SLC9A6: variants seen among roughly 807,000 people sequenced by gnomAD.
SLC9A6 encodes the protein sodium/hydrogen exchanger 6.
Under a neutral mutation model 45.3 loss-of-function variants are expected in SLC9A6, and 6 were observed. That is an observed-to-expected ratio of 0.13 (90% CI 0.07 to 0.26). The LOEUF is 0.26. Among genes scored for constraint, SLC9A6 ranks in the 10% least tolerant of loss-of-function variants. The pLI is 1.00. For synonymous variants in SLC9A6, 191 were observed against 187.7 expected (o/e 1.02, Z -0.14); for missense variants, 278 against 503.7 (o/e 0.55, Z 4.29).
chrX:136,015,583 G>A (rs1226953353), intron 10 of SLC9A6, among the ~76,000 whole-genome samples: 1 of 111,726 alleles, frequency 9.0e-6, no homozygotes, highest in Non-Finnish European at 1.9e-5. Context: ...ACGAGATAAT[G>A]CATATGAAGT....
At chrX:136,023,751 A>G (rs1452735868) in intron 12 of SLC9A6, among the ~76,000 whole-genome samples, 2 of 111,606 alleles carry the variant, frequency 1.8e-5, no homozygotes, top group African/African-American at 3.3e-5. Context: ...ACACACCTCT[A>G]TGAATTTGCC....
chrX:136,010,980 C>T (rs1157353162), intron 8 of SLC9A6, among the ~76,000 whole-genome samples: 2 of 111,941 alleles, frequency 1.8e-5, no homozygotes, highest in Admixed American at 9.5e-5. Context: ...ACAGCGACGC[C>T]GAATGAACAA....
chrX:135,978,380 G>A (rs147199934), intron 1 of SLC9A6, among the ~76,000 whole-genome samples: 9 of 111,460 alleles, frequency 8.1e-5, no homozygotes. Flanking sequence ...AGCTGGGCAC[G>A]GTGGCTCACG....
At chrX:135,977,683 A>G (rs1337057145) in intron 1 of SLC9A6, among the ~76,000 whole-genome samples, 5 of 111,738 alleles carry the variant, frequency 4.5e-5, no homozygotes, top group African/African-American at 1.6e-4. Context: ...TAGTACTTTC[A>G]ATATTGAAAT....
chrX:135,982,140 C>A (rs1378923853), upstream of SLC9A6, among the ~76,000 whole-genome samples: 1 of 111,434 alleles, frequency 9.0e-6, no homozygotes, highest in East Asian at 2.8e-4. Context: ...AAACAGATAG[C>A]AGGCTGGATT....
At chrX:136,023,145 TGAATA>T (rs1401448531) in intron 12 of SLC9A6, among the ~76,000 whole-genome samples, 6 of 70,885 alleles carry the variant, frequency 8.5e-5, no homozygotes, top group African/African-American at 2.7e-4. Flanking sequence ...GTTGCATCCT[TGAATA>T]GAAAAAGAAA....
intron 7 of SLC9A6, among the ~76,000 whole-genome samples, chrX:136,006,869 A>T (rs2089665244): frequency 9.0e-6 from 1 of 110,742 alleles, no homozygotes; most frequent in Non-Finnish European, 1.9e-5. Context: ...TTAACAAGAC[A>T]TAACTTTTTT....
chrX:135,998,207 A>G, intron 4 of SLC9A6, 22 bp downstream of exon 4: 1 of 914,783 alleles, frequency 1.1e-6, no homozygotes, highest in Non-Finnish European at 1.6e-6. Context: ...TGTCTTTCAT[A>G]TACTTTGAAT....
chrX:136,023,187 A>G lies in SLC9A6; in HGVS notation c.1306+490A>G, dbSNP rs1205784524. Among the ~76,000 whole-genome samples, 48 of 37,122 alleles carry G rather than the reference A, an allele frequency of 1.3e-3. 1 individual carries two copies. Among genetic ancestry groups the G allele is most frequent in the African/African-American group, 4.8e-3 (32 of 6,606 alleles). 32.2% of individuals were successfully genotyped at this position (37,122 alleles called of 115,157 possible). Reference sequence around the variant, plus strand: ...TGTATATATATATATATATATATATATATATATATATATATATATATATAT... The same window carrying G: ...TGTATATATATATATATATATATATGTATATATATATATATATATATATAT... On this transcript the variant is annotated intron_variant, in intron 12 of 17. Coordinates refer to ENST00000630721, the MANE Select transcript of SLC9A6 (RefSeq NM_001379110.1).
chrX:135,983,110 G>A (rs2089294545), upstream of SLC9A6, among the ~76,000 whole-genome samples: 1 of 111,414 alleles, frequency 9.0e-6, no homozygotes, highest in Admixed American at 9.5e-5. Flanking sequence ...GAGCTTCAAT[G>A]GAGGGTGGAG....
At position 136,045,593 on chromosome X, in the gene SLC9A6, T is replaced by A. The variant is rs1238155515; in HGVS notation, c.*869T>A. On this transcript the variant is annotated 3_prime_UTR_variant, in exon 18 of 18. Coordinates refer to ENST00000630721, the MANE Select transcript of SLC9A6 (RefSeq NM_001379110.1). The stretch of plus-strand genomic sequence containing the variant: ...ATATTCTATACCAGATAAGTTTAAA[T>A]AAGAAATTTAATTGCTGCTTAATTT... 8.9e-6 allele frequency: 1 copy of A among 112,415 alleles called. No individual in the cohort carries two copies. The highest frequency in any genetic ancestry group is 1.9e-5 in the Non-Finnish European group (1 of 53,269). The allele number at this position is 112,415 out of a possible 1,213,427, so 9.3% of individuals were successfully genotyped here.
intron 17 of SLC9A6, among the ~76,000 whole-genome samples, chrX:136,043,938 G>A (rs1353320319): frequency 3.6e-5 from 4 of 111,601 alleles, no homozygotes; most frequent in Non-Finnish European, 7.5e-5. Context: ...ATGTGAATCG[G>A]TCTGCTCCTG....
At chrX:136,043,046 T>A (rs1362487589) in intron 17 of SLC9A6, among the ~76,000 whole-genome samples, 1 of 112,137 alleles carries the variant, frequency 8.9e-6, no homozygotes, top group Non-Finnish European at 1.9e-5. Flanking sequence ...TTGATAGATA[T>A]TGCCCCAAAC....
At chrX:136,036,373 T>C (rs781841493) in intron 16 of SLC9A6, among the ~76,000 whole-genome samples, 1 of 111,887 alleles carries the variant, frequency 8.9e-6, no homozygotes, top group East Asian at 2.8e-4. Flanking sequence ...TTTTCTCTCA[T>C]TGATTTATAG....
At chrX:136,004,228 A>G (rs1556617689) in intron 7 of SLC9A6, among the ~76,000 whole-genome samples, 1 of 108,198 alleles carries the variant, frequency 9.2e-6, no homozygotes, top group African/African-American at 3.4e-5. Flanking sequence ...AGCTGGGACT[A>G]CGGGCATGTG....
intron 15 of SLC9A6, among the ~76,000 whole-genome samples, chrX:136,031,490 A>G (rs1290585415): frequency 8.9e-6 from 1 of 112,219 alleles, no homozygotes; most frequent in Non-Finnish European, 1.9e-5. Flanking sequence ...ACACGAGGTC[A>G]GGAATTCGAG....
chrX:136,039,543 A>G (rs1556622233), intron 16 of SLC9A6, among the ~76,000 whole-genome samples: 1 of 111,899 alleles, frequency 8.9e-6, no homozygotes, highest in Non-Finnish European at 1.9e-5. Flanking sequence ...CTTCCTAAGT[A>G]AACAGTCAGT....
chrX:135,992,218 C>T (rs2089443853), intron 2 of SLC9A6, among the ~76,000 whole-genome samples: 1 of 111,520 alleles, frequency 9.0e-6, no homozygotes, highest in Non-Finnish European at 1.9e-5. Flanking sequence ...AATTAAGGTT[C>T]CTCTTAGTCT....
intron 11 of SLC9A6, among the ~76,000 whole-genome samples, chrX:136,019,381 A>G (rs1279830123): frequency 8.9e-6 from 1 of 111,921 alleles, no homozygotes; most frequent in African/African-American, 3.2e-5. Flanking sequence ...TTGACCCAGA[A>G]TGTGCACACG....
Sources: gnomAD v4.1 joint callset for allele counts (sites outside exome capture counted in the v4.1 genomes callset) on GRCh38, gnomAD v4.1.1 for gene constraint, MANE v1.5 for transcripts, NCBI Gene and HGNC (gene_info 2026-07-23, HGNC 2026-07-21) for gene names.